The following CCDC144A variants were observed in gnomAD, a reference collection of about 807,000 sequenced individuals.
CCDC144A encodes the protein coiled-coil domain-containing protein 144A.
A neutral mutation model predicts 143.8 loss-of-function variants in CCDC144A; 41 were observed. The observed-to-expected ratio is 0.29, with a 90% CI of 0.22 to 0.37. CCDC144A has a LOEUF of 0.37. CCDC144A is among the 10% of genes least tolerant of loss of function. The probability of loss-of-function intolerance (pLI) is 1.00; values close to 1 mark genes in which losing one functional copy is unlikely to be tolerated. For synonymous variants in CCDC144A, 242 were observed against 517.9 expected, an observed-to-expected ratio of 0.47 and a Z score of 7.23; for missense variants, 637 against 1,488.8, an observed-to-expected ratio of 0.43 and a Z score of 9.41.
In CCDC144A at chr17:16,734,142, A is replaced by G. The variant is rs1374398694; in HGVS notation, c.2419-548A>G. On this transcript the variant is annotated intron_variant, in intron 11 of 16. Transcript: ENST00000399273. The stretch of plus-strand genomic sequence containing the variant: ...GTGATGGAGTGGAGACCCTATCTCG[A>G]AAAAAAAAAAAAAAAAGCCTAATAT... 5.1e-3 allele frequency among the ~76,000 whole-genome samples: 376 copies of G among 73,352 alleles called. 1 individual carries two copies. Among genetic ancestry groups the G allele is most frequent in the African/African-American group, 0.034 (366 of 10,892 alleles). The allele number at this position is 73,352 out of a possible 152,430, so 48.1% of individuals were successfully genotyped here.
At chr17:16,747,409 G>A (rs1914585989) in intron 12 of CCDC144A, among the ~76,000 whole-genome samples, 1 of 152,220 alleles carries the variant, frequency 6.6e-6, no homozygotes, top group South Asian at 2.1e-4. Context: ...CTCTTTTCTG[G>A]TTCCATATGA....
At chr17:16,746,702 C>A in intron 12 of CCDC144A, 4 of 1,611,958 alleles carry the variant, frequency 2.5e-6, no homozygotes, top group Non-Finnish European at 3.4e-6. Flanking sequence ...TGGCAGCGGG[C>A]GCAGCTGCTC....
upstream of CCDC144A, among the ~76,000 whole-genome samples, chr17:16,688,528 C>T (rs1207668607): frequency 2.4e-5 from 3 of 123,520 alleles, no homozygotes; most frequent in Non-Finnish European, 3.2e-5. Context: ...CTAGCCCTGT[C>T]GCCAGGCTGG....
chr17:16,743,192 T>C, intron 12 of CCDC144A, among the ~76,000 whole-genome samples: 1 of 152,216 alleles, frequency 6.6e-6, no homozygotes, highest in Non-Finnish European at 1.5e-5. Context: ...TTTCCATATA[T>C]TTTCTTGTTA....
chr17:16,681,748 A>G, the CCDC144A span, among the ~76,000 whole-genome samples: 1 of 151,796 alleles, frequency 6.6e-6, no homozygotes, highest in Non-Finnish European at 1.5e-5. Flanking sequence ...TAATCCAGCC[A>G]CTCGGGAGGC....
rs1437452113 is a variant in CCDC144A at position 16,769,920 on chromosome 17, C to T, written c.4099-2057C>T. Among the ~76,000 whole-genome samples the T allele has an allele frequency of 6.7e-5, 10 of 150,066 alleles. No homozygotes were observed. The East Asian group carries it at 1.2e-3, about 18-fold the overall frequency. ...TCTGCTCACTGCAACCTCTGCCTGC[C>T]GGGTTCAAGCGATTCTCCTGCCTCA... On this transcript the variant is annotated intron_variant, in intron 15 of 16. Transcript: ENST00000399273.
At chr17:16,678,754 T>G in the CCDC144A span, among the ~76,000 whole-genome samples, 1 of 137,984 alleles carries the variant, frequency 7.2e-6, no homozygotes, top group Non-Finnish European at 1.5e-5. Context: ...CTAATTTGTT[T>G]TTTTTTTTTT....
rs375496328 is a variant in CCDC144A, at chr17:16,735,009, T to A, written c.2738T>A (p.Met913Lys). ...AACCAAGAAAGACTAGAAATAGAAA[T>A]GGAATCATACCGTTGTAGACTAGCT... ...KQNQERLEIE[M>K]ESYRCRLAAA... Residue 913 changes from methionine (M) to lysine (K), a missense_variant, in exon 12 of 17, where the codon ATG becomes AAG. Coordinates refer to ENST00000399273, the MANE Select transcript of CCDC144A (RefSeq NM_001382000.1). The A allele has an allele frequency of 2.4e-5, 38 of 1,611,612 alleles. No homozygotes were observed. In the African/African-American group the frequency reaches 4.4e-4, roughly 19 times the overall value.
Position 16,745,668 on chromosome 17 carries a change from G to A in CCDC144A, c.3372+10025G>A, listed in dbSNP as rs1209968872. 10 of 1,608,886 alleles carry A rather than the reference G, an allele frequency of 6.2e-6. No individual in the cohort carries two copies. The South Asian group carries it at 7.8e-5, about 12-fold the overall frequency. ...TTCCCTCTTCTCAGGACCAGTCCCC[G>A]AACCTTCTGCCTTGCAGATCCTCCT... is the stretch of plus-strand genomic sequence containing the variant. On this transcript the variant is annotated intron_variant, in intron 12 of 16. Coordinates refer to ENST00000399273, the MANE Select transcript of CCDC144A (RefSeq NM_001382000.1).
At chr17:16,699,885 A>G (rs1481581798) in intron 2 of CCDC144A, among the ~76,000 whole-genome samples, 1 of 152,240 alleles carries the variant, frequency 6.6e-6, no homozygotes. Context: ...TCCAGTGGAT[A>G]TAGCAGTACA....
the CCDC144A span, chr17:16,683,314 A>T: frequency 1.7e-6 from 1 of 581,258 alleles, no homozygotes; most frequent in South Asian, 2.3e-5. Context: ...TTTGTCATTT[A>T]AAAAACGAAT....
intron 2 of CCDC144A, among the ~76,000 whole-genome samples, chr17:16,698,908 AGCAGTT>A (rs1425212807): frequency 1.3e-5 from 2 of 152,260 alleles, no homozygotes; most frequent in African/African-American, 4.8e-5. Flanking sequence ...TGCTGAATAT[AGCAGTT>A]CTCAGTACTT....
intron 12 of CCDC144A, among the ~76,000 whole-genome samples, chr17:16,759,165 T>C (rs1377624925): frequency 6.6e-6 from 1 of 152,158 alleles, no homozygotes; most frequent in Non-Finnish European, 1.5e-5. Flanking sequence ...CAGATTAGGA[T>C]GGGTTTATGT....
chr17:16,674,656 C>T, the CCDC144A span, among the ~76,000 whole-genome samples: 1 of 151,924 alleles, frequency 6.6e-6, no homozygotes, highest in African/African-American at 2.4e-5. Context: ...TCAAGCTTTA[C>T]AGTAGCAAAG....
chr17:16,690,134 C>T, upstream of CCDC144A: 1 of 318,542 alleles, frequency 3.1e-6, no homozygotes, highest in East Asian at 5.2e-5. Flanking sequence ...GCCAAGGAGT[C>T]TTTTTCTGGG....
At chr17:16,717,366 T>C (rs1331040024) in intron 6 of CCDC144A, among the ~76,000 whole-genome samples, 1 of 152,146 alleles carries the variant, frequency 6.6e-6, no homozygotes, top group African/African-American at 2.4e-5. Context: ...CGCCTCAGCC[T>C]CCCAAAGTGC....
intron 2 of CCDC144A, among the ~76,000 whole-genome samples, chr17:16,695,800 T>C (rs1401678819): frequency 6.6e-6 from 1 of 151,950 alleles, no homozygotes; most frequent in Non-Finnish European, 1.5e-5. Context: ...GTGGGTAAGA[T>C]TTAAGGTAAG....
chr17:16,682,689 A>G, the CCDC144A span, among the ~76,000 whole-genome samples: 1 of 151,948 alleles, frequency 6.6e-6, no homozygotes, highest in African/African-American at 2.4e-5. Context: ...AAGTTTTGCA[A>G]AAAGGACAGA....
chr17:16,705,346 C>G lies in CCDC144A; in HGVS notation c.611C>G (p.Thr204Ser), dbSNP rs1340946468. The change falls in exon 3 of 17, where the codon ACT (threonine) becomes AGT (serine). Residue 204 changes from threonine to serine, a missense_variant. By Grantham distance (58) the Thr-to-Ser change is moderately conservative (BLOSUM62 1). Coordinates refer to ENST00000399273, the MANE Select transcript of CCDC144A (RefSeq NM_001382000.1). Reference protein sequence around the residue: ...TGVVLLSGNDTLHDLCQSQLP... With the variant: ...TGVVLLSGNDSLHDLCQSQLP... ...GTTGTACTTCTCTCAGGGAATGATACTCTCCATGACCTGTGCCAATCACAG... is the reference window on the plus strand; with the variant it reads ...GTTGTACTTCTCTCAGGGAATGATAGTCTCCATGACCTGTGCCAATCACAG... The G allele has an allele frequency of 1.2e-6, 1 of 827,742 alleles. No individual in the cohort carries two copies. The allele number at this position is 827,742 out of a possible 1,614,324, so 51.3% of individuals were successfully genotyped here.
Sources: allele counts gnomAD v4.1 joint callset (sites outside exome capture counted in the v4.1 genomes callset), GRCh38; gene constraint gnomAD v4.1.1; transcripts MANE v1.5; gene names NCBI Gene and HGNC (gene_info 2026-07-23, HGNC 2026-07-21).